Variants in TBXAS1 observed in about 807,000 individuals in gnomAD.
The protein encoded by TBXAS1 is thromboxane-A synthase.
Under a neutral mutation model 60.7 loss-of-function variants are expected in TBXAS1, and 48 were observed. The ratio of observed to expected loss-of-function variants is 0.79; its 90% CI spans 0.63 to 1.01. TBXAS1 has a LOEUF of 1.01. Among genes scored for constraint, TBXAS1 ranks in the 50% least tolerant of loss-of-function variants. The pLI, the probability that TBXAS1 is intolerant of heterozygous loss-of-function variation, is 0.00. For missense variants in TBXAS1, 685 were observed against 686.3 expected (o/e 1.00, Z 0.02); for synonymous variants, 287 against 269.7 (o/e 1.06, Z -0.63).
intron 3 of TBXAS1, among the ~76,000 whole-genome samples, chr7:139,783,051 C>T (rs1319155011): frequency 6.6e-6 from 1 of 152,106 alleles, no homozygotes; most frequent in Non-Finnish European, 1.5e-5. Context: ...TAACTGAAAG[C>T]TTCAGTAACA....
intron 4 of TBXAS1, among the ~76,000 whole-genome samples, chr7:139,925,435 T>C (rs532511625): frequency 6.6e-6 from 1 of 152,304 alleles, no homozygotes; most frequent in African/African-American, 2.4e-5. Context: ...TCTTGGCTTC[T>C]TTTTCAGATT....
At chr7:139,953,796 C>A (rs1809610264) in intron 6 of TBXAS1, among the ~76,000 whole-genome samples, 1 of 152,210 alleles carries the variant, frequency 6.6e-6, no homozygotes, top group African/African-American at 2.4e-5. Context: ...TGGTGCACCT[C>A]AGCCCAGAAG....
Position 139,871,989 on chromosome 7 carries a change from G to T in TBXAS1, c.90-246G>T, listed in dbSNP as rs1334095429. Among the ~76,000 whole-genome samples the T allele has an allele frequency of 6.6e-6, 1 of 152,146 alleles. No homozygotes were observed. The highest frequency in any genetic ancestry group is 2.4e-5 in the African/African-American group (1 of 41,438). On this transcript the variant is annotated intron_variant, in intron 1 of 12. Coordinates refer to ENST00000448866, the MANE Select transcript of TBXAS1 (RefSeq NM_001061.7). ...GCAGTTGGACTACATCATCTGTAAG[G>T]CATCTCCAGCTCAGAGGTTTCAGGA...
rs557295764 is a variant in TBXAS1, at chr7:139,846,155, A to T, written c.89+16676A>T. ...AAGGAAGGGATTGCTAACCAAAATCATTGTGCAAAGGTGACAGCTCAACCA... is the reference window on the plus strand; with the variant it reads ...AAGGAAGGGATTGCTAACCAAAATCTTTGTGCAAAGGTGACAGCTCAACCA... On this transcript the variant is annotated intron_variant, in intron 1 of 12. Coordinates refer to ENST00000448866, the MANE Select transcript of TBXAS1 (RefSeq NM_001061.7). Among the ~76,000 whole-genome samples the T allele has an allele frequency of 2.0e-5, 3 of 152,302 alleles. No homozygotes were observed. The South Asian group carries it at 6.2e-4, about 32-fold the overall frequency.
intron 1 of TBXAS1, among the ~76,000 whole-genome samples, chr7:139,779,222 C>G (rs1275958051): frequency 6.6e-6 from 1 of 152,174 alleles, no homozygotes; most frequent in African/African-American, 2.4e-5. Context: ...GTGATTTTCT[C>G]ACTACTTCTT....
chr7:139,949,423 C>T (rs1257468490), intron 5 of TBXAS1, among the ~76,000 whole-genome samples: 4 of 152,186 alleles, frequency 2.6e-5, no homozygotes, highest in Non-Finnish European at 5.9e-5. Flanking sequence ...AACTAGGATT[C>T]AGTTGTACCA....
intron 9 of TBXAS1, among the ~76,000 whole-genome samples, chr7:139,984,851 A>G (rs908581707): frequency 6.7e-6 from 1 of 150,174 alleles, no homozygotes; most frequent in East Asian, 1.9e-4. Context: ...AAGGAAGGAA[A>G]AGAAAGAAAG....
At chr7:139,785,793 A>G (rs1386091140) in intron 3 of TBXAS1, among the ~76,000 whole-genome samples, 1 of 151,504 alleles carries the variant, frequency 6.6e-6, no homozygotes. Context: ...TCCCAATCTC[A>G]TCTCCCACTC....
At chr7:139,866,885 C>T (rs376865729) in intron 1 of TBXAS1, among the ~76,000 whole-genome samples, 8 of 152,296 alleles carry the variant, frequency 5.3e-5, no homozygotes, top group African/African-American at 1.9e-4. Flanking sequence ...GGCTTTCTCC[C>T]TGATAGTTCT....
chr7:140,008,382 G>A (rs1814260528), intron 10 of TBXAS1, among the ~76,000 whole-genome samples: 1 of 151,790 alleles, frequency 6.6e-6, no homozygotes, highest in Non-Finnish European at 1.5e-5. Flanking sequence ...AAGACCTGAT[G>A]TGCAGCCCTT....
chr7:139,831,419 C>T (rs1798693474), intron 1 of TBXAS1, among the ~76,000 whole-genome samples: 1 of 152,204 alleles, frequency 6.6e-6, no homozygotes, highest in South Asian at 2.1e-4. Context: ...CCCCTTCCTG[C>T]TTCATTGTCT....
chr7:139,990,605 C>G (rs544834099), intron 9 of TBXAS1, among the ~76,000 whole-genome samples: 1 of 152,228 alleles, frequency 6.6e-6, no homozygotes, highest in South Asian at 2.1e-4. Context: ...GACCTCTTGT[C>G]CTGGAGCCCG....
chr7:139,945,002 G>C (rs1808588086), intron 5 of TBXAS1, among the ~76,000 whole-genome samples: 1 of 152,168 alleles, frequency 6.6e-6, no homozygotes, highest in South Asian at 2.1e-4. Context: ...TGAGTTTTGT[G>C]GGAAAGCAAC....
intron 9 of TBXAS1, among the ~76,000 whole-genome samples, chr7:139,983,282 C>T (rs1812094613): frequency 6.6e-6 from 1 of 152,152 alleles, no homozygotes; most frequent in African/African-American, 2.4e-5. Flanking sequence ...TCCATGTGCT[C>T]TCACTGGGAT....
chr7:139,870,759 G>T (rs138357244), intron 1 of TBXAS1, among the ~76,000 whole-genome samples: 1 of 152,262 alleles, frequency 6.6e-6, no homozygotes, highest in East Asian at 1.9e-4. Context: ...CTGCCTTCCC[G>T]TTCTGCCCTG....
At chr7:139,891,872 A>G (rs907021644) in intron 3 of TBXAS1, among the ~76,000 whole-genome samples, 7 of 152,232 alleles carry the variant, frequency 4.6e-5, no homozygotes, top group South Asian at 2.1e-4. Flanking sequence ...GGAGACAAAT[A>G]AAAGGAATTA....
intron 1 of TBXAS1, among the ~76,000 whole-genome samples, chr7:139,846,977 A>T (rs1378697584): frequency 1.3e-5 from 2 of 152,158 alleles, no homozygotes; most frequent in Non-Finnish European, 2.9e-5. Flanking sequence ...ACTTTTCCAT[A>T]CGGTCAAGCG....
chr7:139,876,629 C>T (rs1173022957), intron 3 of TBXAS1, among the ~76,000 whole-genome samples: 1 of 152,126 alleles, frequency 6.6e-6, no homozygotes, highest in Admixed American at 6.5e-5. Flanking sequence ...GGCTTGTCCT[C>T]TTTATGGAAA....
chr7:139,838,636 C>T (rs1400700872), intron 1 of TBXAS1, among the ~76,000 whole-genome samples: 5 of 152,170 alleles, frequency 3.3e-5, no homozygotes, highest in East Asian at 3.9e-4. Context: ...TAGGTGTATG[C>T]GTGAATTTGG....
Sources: allele counts gnomAD v4.1 joint callset (sites outside exome capture counted in the v4.1 genomes callset), GRCh38; gene constraint gnomAD v4.1.1; transcripts MANE v1.5; gene names NCBI Gene and HGNC (gene_info 2026-07-23, HGNC 2026-07-21).